DZANK1: variants seen among roughly 807,000 people sequenced by gnomAD.
DZANK1 encodes the protein double zinc ribbon and ankyrin repeat domains 1.
Under a neutral mutation model 94.5 loss-of-function variants are expected in DZANK1, and 91 were observed. The observed-to-expected ratio is 0.96, with a 90% CI of 0.81 to 1.15. DZANK1 has a LOEUF of 1.15. DZANK1 is among the 50% of genes most tolerant of loss of function. The pLI, the probability that DZANK1 is intolerant of heterozygous loss-of-function variation, is 0.00. For missense variants in DZANK1, 903 were observed against 916.4 expected (o/e 0.99, Z 0.19); for synonymous variants, 312 against 325.3 (o/e 0.96, Z 0.44).
At chr20:18,443,026 G>A (rs1036643617) in intron 8 of DZANK1, among the ~76,000 whole-genome samples, 13 of 152,104 alleles carry the variant, frequency 8.5e-5, no homozygotes, top group African/African-American at 3.1e-4. Context: ...TTTATTTCTA[G>A]AATATATTTC....
At chr20:18,394,804 T>TA (rs760667196) in intron 15 of DZANK1, 40 of 457,236 alleles carry the variant, frequency 8.7e-5, no homozygotes, top group Non-Finnish European at 1.6e-4. Flanking sequence ...CTTACTAACT[T>TA]AGTGCCCTTG....
chr20:18,459,766 G>A (rs1363358909), intron 3 of DZANK1, among the ~76,000 whole-genome samples: 6 of 152,092 alleles, frequency 3.9e-5, no homozygotes, highest in African/African-American at 1.4e-4. Flanking sequence ...CGAGAATGAC[G>A]GCGGTGGTTG....
At chr20:18,443,291 G>A (rs781450133) in intron 8 of DZANK1, 56 bp downstream of exon 8, 242 of 1,175,920 alleles carry the variant, frequency 2.1e-4, no homozygotes, top group Non-Finnish European at 2.9e-4. Context: ...TGTTACTGCT[G>A]CAAATAAAGA....
At chr20:18,460,727 T>C (rs1392888682) in intron 2 of DZANK1, among the ~76,000 whole-genome samples, 1 of 148,790 alleles carries the variant, frequency 6.7e-6, no homozygotes, top group Non-Finnish European at 1.5e-5. Flanking sequence ...AGACTCCGTC[T>C]CAAAAAAAAA....
intron 13 of DZANK1, among the ~76,000 whole-genome samples, chr20:18,401,992 C>T (rs144929162): frequency 1.7e-3 from 257 of 152,206 alleles, no homozygotes; most frequent in Middle Eastern, 0.01. Context: ...GGTCTGATAC[C>T]ACATTTATAT....
At chr20:18,433,384 A>G (rs1335822835) in intron 9 of DZANK1, 1 of 358,376 alleles carries the variant, frequency 2.8e-6, no homozygotes, top group African/African-American at 2.1e-5. Context: ...TCTACTAAAA[A>G]TATAAAAATT....
At chr20:18,389,923 G>A (rs550512804) in intron 18 of DZANK1, 95 bp from the exon 19 acceptor site, 1 of 1,538,296 alleles carries the variant, frequency 6.5e-7, no homozygotes, top group Non-Finnish European at 8.8e-7. Context: ...GTCCTTTACA[G>A]AGCTGATGCA....
downstream of DZANK1, chr20:18,383,368 T>C (rs990343513): frequency 6.6e-6 from 1 of 152,188 alleles, no homozygotes; most frequent in Non-Finnish European, 1.5e-5. Context: ...GAGTCAAAAT[T>C]ACACATTCTT....
chr20:18,464,440 A>G (rs947924465), intron 2 of DZANK1, among the ~76,000 whole-genome samples: 5 of 152,104 alleles, frequency 3.3e-5, no homozygotes, highest in African/African-American at 1.2e-4. Flanking sequence ...TACATACACG[A>G]ACCTATTTAT....
rs80032698 is a variant in DZANK1 at position 18,397,048 on chromosome 20, T to A, written c.1537-502A>T. Among the ~76,000 whole-genome samples the A allele has an allele frequency of 6.0e-3, 916 of 152,286 alleles. 6 individuals are homozygous for A. Among genetic ancestry groups the A allele is most frequent in the African/African-American group, 0.021 (886 of 41,550 alleles). On this transcript the variant is annotated intron_variant, in intron 14 of 20. Transcript: ENST00000262547. ...AGGGTCAGATAGTAAATATTTTAGG[T>A]CTTGTGGACCATATGTTCTGTATTG...
intron 14 of DZANK1, 60 bp downstream of exon 14, chr20:18,398,463 G>A (rs1173146530): frequency 6.6e-7 from 1 of 1,503,936 alleles, no homozygotes; most frequent in South Asian, 1.1e-5. Context: ...AAAGTCCATG[G>A]AGGGTTCCTT....
chr20:18,428,127 G>A (rs1256256752), intron 9 of DZANK1, among the ~76,000 whole-genome samples: 2 of 149,820 alleles, frequency 1.3e-5, no homozygotes, highest in African/African-American at 4.9e-5. Context: ...CACCAGCCTG[G>A]GTGACAGAGC....
intron 7 of DZANK1, among the ~76,000 whole-genome samples, chr20:18,447,292 A>G (rs1406236434): frequency 6.6e-6 from 1 of 152,058 alleles, no homozygotes; most frequent in Admixed American, 6.5e-5. Context: ...CCTGGCCAAC[A>G]TGGTGAAACC....
rs186609272 is a variant in DZANK1 at position 18,394,548 on chromosome 20, C to A, written c.1612-198G>T. ...CTTTGTCCGTTCTGCCCCTTACCCG[C>A]GGCTCAGTCTGGCCCCTCCTCCTCT... On this transcript the variant is annotated intron_variant, in intron 15 of 20. Coordinates refer to ENST00000262547, the Ensembl canonical transcript of DZANK1. The A allele has an allele frequency of 3.4e-3, 2,325 of 688,400 alleles. 11 individuals are homozygous for A. Among genetic ancestry groups the A allele is most frequent in the Middle Eastern group, 6.1e-3 (25 of 4,108 alleles). 42.6% of individuals were successfully genotyped at this position (688,400 alleles called of 1,614,324 possible). A position where few individuals can be genotyped will look rare whatever the true frequency, so the allele number is the denominator to read the frequency against.
chr20:18,421,787 G>A (rs1172590199), intron 10 of DZANK1, among the ~76,000 whole-genome samples: 2 of 152,164 alleles, frequency 1.3e-5, no homozygotes, highest in Non-Finnish European at 2.9e-5. Flanking sequence ...TGGATTTGCA[G>A]GTGCCTCATC....
intron 13 of DZANK1, among the ~76,000 whole-genome samples, chr20:18,411,290 A>G (rs1298938147): frequency 6.6e-6 from 1 of 152,224 alleles, no homozygotes; most frequent in African/African-American, 2.4e-5. Context: ...AGTTACTAGA[A>G]TTAGAAATGA....
chr20:18,446,703 T>C (rs1156604279), intron 7 of DZANK1, among the ~76,000 whole-genome samples: 1 of 152,148 alleles, frequency 6.6e-6, no homozygotes, highest in African/African-American at 2.4e-5. Context: ...TGAAAAAAAA[T>C]CTTCCTGAAG....
At chr20:18,412,909 C>A in intron 12 of DZANK1, 56 bp from the exon 13 acceptor site, 3 of 1,457,182 alleles carry the variant, frequency 2.1e-6, no homozygotes, top group Non-Finnish European at 2.8e-6. Context: ...ATCAATCTTG[C>A]ATTTTACTTA....
At chr20:18,401,269 C>T (rs751496115) in intron 13 of DZANK1, among the ~76,000 whole-genome samples, 5 of 152,058 alleles carry the variant, frequency 3.3e-5, no homozygotes, top group Non-Finnish European at 7.4e-5. Flanking sequence ...AATCTCAACT[C>T]TCAAAAAAGC....
Sources: gnomAD v4.1 joint callset for allele counts (sites outside exome capture counted in the v4.1 genomes callset) on GRCh38, gnomAD v4.1.1 for gene constraint, MANE v1.5 for transcripts, NCBI Gene and HGNC (gene_info 2026-07-23, HGNC 2026-07-21) for gene names.